PEBP4: variants seen among roughly 807,000 people sequenced by gnomAD.
The protein encoded by PEBP4 is phosphatidylethanolamine-binding protein 4.
PEBP4 carries 22 observed loss-of-function variants against 23.9 expected under a neutral mutation model. The ratio of observed to expected loss-of-function variants is 0.92; its 90% CI spans 0.66 to 1.31. The LOEUF is 1.31. Among genes scored for constraint, PEBP4 ranks in the 40% most tolerant of loss-of-function variants. The pLI is 0.00. For synonymous variants in PEBP4, 112 were observed against 99.3 expected (o/e 1.13, Z -0.76); for missense variants, 324 against 281.7 (o/e 1.15, Z -1.07).
At chr8:22,860,145 A>T (rs1224266104) in intron 3 of PEBP4, among the ~76,000 whole-genome samples, 4 of 57,984 alleles carry the variant, frequency 6.9e-5, no homozygotes, top group African/African-American at 1.7e-4. Context: ...AAAAGAAAAA[A>T]AATTATATAT....
chr8:22,912,978 T>C (rs1325288517), intron 3 of PEBP4, among the ~76,000 whole-genome samples: 1 of 152,220 alleles, frequency 6.6e-6, no homozygotes, highest in African/African-American at 2.4e-5. Flanking sequence ...AGCGGCCTCC[T>C]GTCCCCTCTG....
chr8:22,736,377 G>A (rs1302849677), intron 4 of PEBP4, among the ~76,000 whole-genome samples: 1 of 152,204 alleles, frequency 6.6e-6, no homozygotes, highest in Non-Finnish European at 1.5e-5. Context: ...GGCTGAGGCA[G>A]GAGGATTGCT....
intron 4 of PEBP4, among the ~76,000 whole-genome samples, chr8:22,807,311 G>C (rs1027554666): frequency 6.6e-6 from 1 of 152,186 alleles, no homozygotes; most frequent in Non-Finnish European, 1.5e-5. Context: ...AGGAGAACAC[G>C]AGGGTTGTGG....
At chr8:22,922,239 C>T (rs1490790302) in intron 2 of PEBP4, among the ~76,000 whole-genome samples, 1 of 152,096 alleles carries the variant, frequency 6.6e-6, no homozygotes, top group African/African-American at 2.4e-5. Context: ...GGGGCATGTG[C>T]AGGCCTCTGC....
intron 4 of PEBP4, among the ~76,000 whole-genome samples, chr8:22,777,306 G>C (rs766691368): frequency 6.6e-6 from 1 of 152,162 alleles, no homozygotes; most frequent in Non-Finnish European, 1.5e-5. Flanking sequence ...GAAGAGGAGG[G>C]TGTGGCTACC....
chr8:22,779,391 T>C (rs371479356), intron 4 of PEBP4, among the ~76,000 whole-genome samples: 14 of 151,662 alleles, frequency 9.2e-5, no homozygotes, highest in African/African-American at 3.4e-4. Context: ...GGCTAGGAGG[T>C]GGTCAAGGGA....
At chr8:22,905,574 G>C (rs530958017) in intron 3 of PEBP4, among the ~76,000 whole-genome samples, 19 of 152,340 alleles carry the variant, frequency 1.2e-4, no homozygotes, top group Admixed American at 8.5e-4. Context: ...TTTTGTGGCT[G>C]TGTGAGTTTG....
chr8:22,759,796 T>C (rs1585258328), intron 4 of PEBP4, among the ~76,000 whole-genome samples: 1 of 152,162 alleles, frequency 6.6e-6, no homozygotes, highest in Admixed American at 6.5e-5. Context: ...TCATGGCTGG[T>C]TCCGAAGGGC....
chr8:22,795,163 A>ATTTTTT lies in PEBP4; in HGVS notation c.357+22468_357+22473dup, dbSNP rs33911395. 1.1e-3 allele frequency among the ~76,000 whole-genome samples: 51 copies of ATTTTTT among 47,340 alleles called. 6 individuals are homozygous for ATTTTTT. The highest frequency in any genetic ancestry group is 3.2e-3 in the East Asian group (3 of 932). 31.1% of individuals were successfully genotyped at this position (47,340 alleles called of 152,430 possible). Reference sequence around the variant, plus strand: ...TGTGTGTATATATATATATATATATATTTTTTTTTTTTTTTTTTTTTTTTT... The same window carrying ATTTTTT: ...TGTGTGTATATATATATATATATATATTTTTTTTTTTTTTTTTTTTTTTTTTTTTTT... On this transcript the variant is annotated intron_variant, in intron 4 of 6. Transcript: ENST00000256404.
chr8:22,922,963 A>G (rs903043449), intron 2 of PEBP4, among the ~76,000 whole-genome samples: 2 of 152,214 alleles, frequency 1.3e-5, no homozygotes, highest in Non-Finnish European at 1.5e-5. Context: ...GATGAAGGGC[A>G]TGACTTTTAC....
intron 4 of PEBP4, among the ~76,000 whole-genome samples, chr8:22,800,326 C>T (rs1028941376): frequency 2.0e-5 from 3 of 151,958 alleles, no homozygotes; most frequent in Non-Finnish European, 4.4e-5. Context: ...ACCTTGATTC[C>T]GGTCCACACT....
At chr8:22,904,428 A>G (rs1174271634) in intron 3 of PEBP4, among the ~76,000 whole-genome samples, 1 of 152,214 alleles carries the variant, frequency 6.6e-6, no homozygotes, top group South Asian at 2.1e-4. Context: ...AAGTTGGGCA[A>G]TTCAAAGTTA....
intron 3 of PEBP4, among the ~76,000 whole-genome samples, chr8:22,881,757 A>T (rs1018298034): frequency 1.3e-5 from 2 of 152,212 alleles, no homozygotes; most frequent in Non-Finnish European, 2.9e-5. Flanking sequence ...AGAGGGAGGC[A>T]GTAGCATACA....
At chr8:22,779,328 A>G (rs1805873346) in intron 4 of PEBP4, among the ~76,000 whole-genome samples, 1 of 152,138 alleles carries the variant, frequency 6.6e-6, no homozygotes, top group Admixed American at 6.5e-5. Flanking sequence ...ATTGGCCTCA[A>G]TTTACAAAGA....
intron 4 of PEBP4, among the ~76,000 whole-genome samples, chr8:22,789,760 T>G (rs532390636): frequency 1.3e-5 from 2 of 152,348 alleles, no homozygotes; most frequent in South Asian, 4.1e-4. Flanking sequence ...CAAACACTTT[T>G]GTGACAGACA....
intron 3 of PEBP4, among the ~76,000 whole-genome samples, chr8:22,828,436 G>A (rs1026105139): frequency 1.3e-5 from 2 of 151,970 alleles, no homozygotes; most frequent in Non-Finnish European, 2.9e-5. Context: ...TCCATTCTTT[G>A]CTCTGGAACT....
chr8:22,877,757 G>A (rs1808154997), intron 3 of PEBP4, among the ~76,000 whole-genome samples: 1 of 152,298 alleles, frequency 6.6e-6, no homozygotes, highest in Non-Finnish European at 1.5e-5. Flanking sequence ...GCTTCTCGCT[G>A]TCGCTCGGCA....
chr8:22,725,149 G>T (rs1304360998), intron 5 of PEBP4, among the ~76,000 whole-genome samples, 193 bp from the exon 6 acceptor site: 1 of 152,036 alleles, frequency 6.6e-6, no homozygotes, highest in Non-Finnish European at 1.5e-5. Context: ...ATTTTGGTGG[G>T]GGTGAGAGTG....
intron 3 of PEBP4, among the ~76,000 whole-genome samples, chr8:22,910,135 T>C (rs1808908339): frequency 6.6e-6 from 1 of 152,198 alleles, no homozygotes; most frequent in African/African-American, 2.4e-5. Flanking sequence ...TCGTTTTATC[T>C]CTAAGGGCTG....
Sources: allele counts gnomAD v4.1 joint callset (sites outside exome capture counted in the v4.1 genomes callset), GRCh38; gene constraint gnomAD v4.1.1; transcripts MANE v1.5; gene names NCBI Gene and HGNC (gene_info 2026-07-23, HGNC 2026-07-21).